TOR1AIP1: variants seen among roughly 807,000 people sequenced by gnomAD.
TOR1AIP1 encodes torsin-1A-interacting protein 1.
A neutral mutation model predicts 63.3 loss-of-function variants in TOR1AIP1; 54 were observed. The observed-to-expected ratio is 0.85, with a 90% CI of 0.69 to 1.07. The LOEUF (loss-of-function observed/expected upper bound fraction) is 1.07, where lower values mean the gene tolerates loss of function less well. TOR1AIP1 is among the 50% of genes least tolerant of loss of function. The probability of loss-of-function intolerance (pLI) is 0.00; values close to 1 mark genes in which losing one functional copy is unlikely to be tolerated. For missense variants in TOR1AIP1, 736 were observed against 715.0 expected, an observed-to-expected ratio of 1.03 and a Z score of -0.33; for synonymous variants, 294 against 273.5, an observed-to-expected ratio of 1.07 and a Z score of -0.74.
Position 179,903,987 on chromosome 1 carries a change from G to T in TOR1AIP1, c.761G>T (p.Ser254Ile). 1 of 1,606,916 alleles carries T rather than the reference G, an allele frequency of 6.2e-7. No individual in the cohort carries two copies. Residue 254 changes from serine (S) to isoleucine (I), a missense_variant, in exon 6 of 10, where the codon AGT becomes ATT. Ser to Ile is a moderately radical substitution (Grantham distance 142). Transcript: ENST00000606911. ...ESGDKTTRSSSQYIESFWQSS... is the reference protein window; with the variant it reads ...ESGDKTTRSSIQYIESFWQSS... Reference sequence around the variant, plus strand: ...TTAGATAAAACCACCAGATCATCTAGTCAATATATAGAATCATTTTGGCAG... The same window carrying T: ...TTAGATAAAACCACCAGATCATCTATTCAATATATAGAATCATTTTGGCAG...
chr1:179,914,835 A>G (rs910963659), intron 9 of TOR1AIP1, among the ~76,000 whole-genome samples: 1 of 152,052 alleles, frequency 6.6e-6, no homozygotes, highest in African/African-American at 2.4e-5. Flanking sequence ...TGATTCTGAA[A>G]TTTTTTGTTC....
Position 179,883,024 on chromosome 1 carries a change from G to C in TOR1AIP1, c.475+47G>C, listed in dbSNP as rs78856676. On this transcript the variant is annotated intron_variant, in intron 1 of 9. Transcript: ENST00000606911. ...GTCCCAGCCGCGAGCCAGGGAACGC[G>C]CGGGGGCGGGCGCGCGCCTCGGTGG... 0.12 allele frequency: 181,760 copies of C among 1,549,564 alleles called. 11,522 individuals carry two copies. The highest frequency in any genetic ancestry group is 0.22 in the African/African-American group (16,422 of 73,236).
intron 6 of TOR1AIP1, 118 bp downstream of exon 6, chr1:179,904,140 T>TAA: frequency 2.8e-6 from 2 of 720,264 alleles, no homozygotes; most frequent in Non-Finnish European, 4.3e-6. Flanking sequence ...TAATGAATGC[T>TAA]AAAAAAAAAC....
chr1:179,906,270 T>G (rs1648631217), intron 6 of TOR1AIP1, among the ~76,000 whole-genome samples: 1 of 152,242 alleles, frequency 6.6e-6, no homozygotes, highest in Non-Finnish European at 1.5e-5. Context: ...TACCATAATA[T>G]TTCTATGTTC....
intron 3 of TOR1AIP1, among the ~76,000 whole-genome samples, chr1:179,891,244 CAG>C (rs1206267095): frequency 2.0e-5 from 3 of 152,114 alleles, no homozygotes; most frequent in Admixed American, 1.3e-4. Flanking sequence ...TTTTCTGAGA[CAG>C]AGCCTTGCTC....
chr1:179,912,002 C>CTTTTT (rs1558046486), intron 8 of TOR1AIP1, among the ~76,000 whole-genome samples: 2 of 127,986 alleles, frequency 1.6e-5, no homozygotes, highest in African/African-American at 2.9e-5. Flanking sequence ...TTTCTTTTTT[C>CTTTTT]TTTTTTTTCT....
At chr1:179,910,269 A>C (rs1302014609) in intron 8 of TOR1AIP1, among the ~76,000 whole-genome samples, 1 of 152,290 alleles carries the variant, frequency 6.6e-6, no homozygotes, top group Admixed American at 6.5e-5. Context: ...TCATCTAACC[A>C]CAATAGGTCT....
rs1229757938 is a variant in TOR1AIP1 at position 179,901,326 on chromosome 1, A to G, written c.677A>G (p.Asp226Gly). ...EEGETEEDDQ[D>G]SSHSSVTTVK... ...GGAGAAACTGAAGAAGATGATCAAG[A>G]CAGCTCTCACAGCAGTGTCACTACT... Residue 226 changes from aspartate (D) to glycine (G), a missense_variant, in exon 5 of 10, where the codon GAC becomes GGC. Physicochemically the swap from Asp to Gly is moderately conservative, Grantham distance 94 (BLOSUM62 -1). Around this residue, in one of 2 missense-constraint regions of TOR1AIP1, gnomAD observed 464 missense variants for 371.0 expected, o/e 1.25. Transcript: ENST00000606911. 1 of 1,611,356 alleles carries G rather than the reference A, an allele frequency of 6.2e-7. No homozygotes were observed. The highest frequency in any genetic ancestry group is 1.7e-4 in the Middle Eastern group (1 of 6,042).
rs2274955 is a variant in TOR1AIP1 at position 179,914,055 on chromosome 1, G to C, written c.964+1G>C. 5 of 1,612,054 alleles carry C rather than the reference G, an allele frequency of 3.1e-6. No homozygotes were observed. The African/African-American group carries it at 4.0e-5, about 13-fold the overall frequency. On this transcript the variant is annotated splice_donor_variant, in intron 9 of 9. Coordinates refer to ENST00000606911, the MANE Select transcript of TOR1AIP1 (RefSeq NM_015602.4). LOFTEE classifies it high-confidence loss of function. ...CAGTCACCATCAACCTCCAGCCGAC[G>C]TAAGTTTATGTATTCAGTTTTTATT...
chr1:179,904,550 G>C (rs1190102782), intron 6 of TOR1AIP1: 1 of 152,176 alleles, frequency 6.6e-6, no homozygotes, highest in Non-Finnish European at 1.5e-5. Flanking sequence ...AACAAAAAAA[G>C]ATTGGAAAGT....
At position 179,917,850 on chromosome 1, in the gene TOR1AIP1, G is replaced by A. The variant is rs747644318; in HGVS notation, c.1363G>A (p.Asp455Asn). The A allele has an allele frequency of 6.2e-7, 1 of 1,614,188 alleles. No homozygotes were observed. The highest frequency in any genetic ancestry group is 1.1e-5 in the South Asian group (1 of 91,084). ...DGTDKATQDS[D>N]TVKLEVDQEL... ...GACAGATAAAGCTACTCAAGACAGT[G>A]ATACTGTCAAACTAGAGGTAGACCA... The change falls in exon 10 of 10, where the codon GAT becomes AAT. Residue 455 changes from aspartate to asparagine, a missense_variant. By Grantham distance (23) the Asp-to-Asn change is conservative. This residue lies in a region of TOR1AIP1 where 272 missense variants were observed against 344.1 expected (regional missense o/e 0.79). Transcript: ENST00000606911.
rs1387769138 is a variant in TOR1AIP1, at chr1:179,882,420, C to A, written c.-83C>A. ...CACAGCGGCCACCGCCCAACACCCC[C>A]GAGAAGCCATCGCCACCACCGGCAG... On this transcript the variant is annotated 5_prime_UTR_variant, in exon 1 of 10. Coordinates refer to ENST00000606911, the MANE Select transcript of TOR1AIP1 (RefSeq NM_015602.4). The A allele has an allele frequency of 7.5e-7, 1 of 1,330,392 alleles. No homozygotes were observed. The highest frequency in any genetic ancestry group is 3.6e-5 in the Admixed American group (1 of 28,082). 82.4% of individuals were successfully genotyped at this position (1,330,392 alleles called of 1,614,324 possible). A position where few individuals can be genotyped will look rare whatever the true frequency, so the allele number is the denominator to read the frequency against.
chr1:179,912,127 C>T (rs1648864570), intron 8 of TOR1AIP1, among the ~76,000 whole-genome samples: 1 of 150,992 alleles, frequency 6.6e-6, no homozygotes, highest in South Asian at 2.1e-4. Flanking sequence ...TGGGTTCAAG[C>T]GATTCTCATT....
chr1:179,903,434 C>A (rs1432049489), intron 5 of TOR1AIP1, among the ~76,000 whole-genome samples: 3 of 151,692 alleles, frequency 2.0e-5, no homozygotes, highest in Non-Finnish European at 4.4e-5. Flanking sequence ...GGGGCATGTT[C>A]TGTATCATAA....
chr1:179,909,413 G>A (rs1222000337), intron 8 of TOR1AIP1, among the ~76,000 whole-genome samples: 1 of 129,654 alleles, frequency 7.7e-6, no homozygotes, highest in Non-Finnish European at 1.7e-5. Context: ...GTTTTGTTTT[G>A]TTTTGTTTTG....
At position 179,900,132 on chromosome 1, in the gene TOR1AIP1, C is replaced by T; in HGVS notation, c.617C>T (p.Thr206Ile). 6.2e-7 allele frequency: 1 copy of T among 1,605,372 alleles called. No homozygotes were observed. Among genetic ancestry groups the T allele is most frequent in the Non-Finnish European group, 8.5e-7 (1 of 1,174,632 alleles). ...PPLRYPRYEATSVQQKVNFSE... is the reference protein window; with the variant it reads ...PPLRYPRYEAISVQQKVNFSE... ...GTATGCTTTTTTCTTCTAGAAGCCA[C>T]CAGTGTCCAACAGAAGGTCAATTTC... The change falls in exon 4 of 10, where the codon ACC becomes ATC. Residue 206 changes from threonine to isoleucine, a missense_variant. Coordinates refer to ENST00000606911, the MANE Select transcript of TOR1AIP1 (RefSeq NM_015602.4).
At chr1:179,906,743 C>CCCTTT (rs1491104735) in intron 6 of TOR1AIP1, among the ~76,000 whole-genome samples, 3 of 39,866 alleles carry the variant, frequency 7.5e-5, no homozygotes, top group Non-Finnish European at 1.5e-4. Flanking sequence ...CCCCCCCCCC[C>CCCTTT]TTTTTTTTTT....
At chr1:179,883,445 G>A (rs1647809633) in intron 1 of TOR1AIP1, among the ~76,000 whole-genome samples, 1 of 152,184 alleles carries the variant, frequency 6.6e-6, no homozygotes, top group African/African-American at 2.4e-5. Flanking sequence ...TCACCCAGGT[G>A]GGCAGAGAGG....
chr1:179,885,051 C>T (rs1445217850), intron 2 of TOR1AIP1, among the ~76,000 whole-genome samples: 3 of 152,174 alleles, frequency 2.0e-5, no homozygotes, highest in African/African-American at 4.8e-5. Context: ...TTACTTTCCC[C>T]CCAAGTGCCT....
Sources: gnomAD v4.1 joint callset for allele counts (sites outside exome capture counted in the v4.1 genomes callset) on GRCh38, gnomAD v4.1.1 for gene constraint, gnomAD v4.1.1 regional missense constraint, MANE v1.5 for transcripts, NCBI Gene and HGNC (gene_info 2026-07-23, HGNC 2026-07-21) for gene names.